The following SRBD1 variants were observed in gnomAD, a reference collection of about 807,000 sequenced individuals.
The protein encoded by SRBD1 is S1 RNA binding domain 1.
In SRBD1, 88 loss-of-function variants were observed where a neutral mutation model predicts 115.3. The observed-to-expected ratio is 0.76, with a 90% CI of 0.64 to 0.91. The LOEUF (loss-of-function observed/expected upper bound fraction) is 0.91, where lower values mean the gene tolerates loss of function less well. Ranked by LOEUF, SRBD1 falls within the 40% of genes least tolerant of loss-of-function variation. The pLI, the probability that SRBD1 is intolerant of heterozygous loss-of-function variation, is 0.00. For synonymous variants in SRBD1, 509 were observed against 407.7 expected (o/e 1.25, Z -2.99); for missense variants, 1,385 against 1,177.4 (o/e 1.18, Z -2.58).
At chr2:45,504,602 C>T (rs1427621014) in intron 14 of SRBD1, among the ~76,000 whole-genome samples, 2 of 152,150 alleles carry the variant, frequency 1.3e-5, no homozygotes, top group African/African-American at 4.8e-5. Flanking sequence ...TTTTTTAAGC[C>T]TTCCTTTTTC....
chr2:45,458,012 T>C (rs945386330), intron 16 of SRBD1, among the ~76,000 whole-genome samples: 4 of 152,064 alleles, frequency 2.6e-5, no homozygotes, highest in Non-Finnish European at 4.4e-5. Context: ...ACTATTCACA[T>C]ATTCTCTTTT....
At chr2:45,453,760 A>G (rs1398786756) in intron 16 of SRBD1, among the ~76,000 whole-genome samples, 1 of 151,958 alleles carries the variant, frequency 6.6e-6, no homozygotes, top group Non-Finnish European at 1.5e-5. Flanking sequence ...AAACTCAGAA[A>G]TTACTCCTCT....
intron 4 of SRBD1, among the ~76,000 whole-genome samples, chr2:45,592,999 A>G (rs1425345595): frequency 6.6e-6 from 1 of 152,216 alleles, no homozygotes; most frequent in Non-Finnish European, 1.5e-5. Context: ...AGGGCAAAGA[A>G]CTACCATAGT....
At chr2:45,505,504 A>G (rs1670770650) in intron 14 of SRBD1, among the ~76,000 whole-genome samples, 1 of 152,202 alleles carries the variant, frequency 6.6e-6, no homozygotes, top group South Asian at 2.1e-4. Context: ...ACCTGTCCGT[A>G]TCCTGTGTGT....
chr2:45,520,020 C>T (rs534914485), intron 14 of SRBD1, among the ~76,000 whole-genome samples: 1 of 152,150 alleles, frequency 6.6e-6, no homozygotes, highest in Non-Finnish European at 1.5e-5. Flanking sequence ...CTGCCCTGTA[C>T]AAGTTCTTTA....
chr2:45,543,030 A>G (rs1247835143), intron 14 of SRBD1, among the ~76,000 whole-genome samples: 3 of 152,236 alleles, frequency 2.0e-5, no homozygotes, highest in African/African-American at 4.8e-5. Context: ...AGTGCCTACC[A>G]TATGTCAAAA....
intron 14 of SRBD1, among the ~76,000 whole-genome samples, chr2:45,532,464 A>G (rs1440722915): frequency 1.3e-5 from 2 of 152,004 alleles, no homozygotes; most frequent in South Asian, 4.2e-4. Flanking sequence ...CTGATGAAAT[A>G]GGGATTAATG....
intron 4 of SRBD1, among the ~76,000 whole-genome samples, chr2:45,592,547 T>G (rs1321838488): frequency 2.0e-5 from 3 of 152,192 alleles, no homozygotes; most frequent in Non-Finnish European, 4.4e-5. Flanking sequence ...CTTCCACTCC[T>G]ACTCTGAAGT....
At chr2:45,533,976 C>G (rs1671688681) in intron 14 of SRBD1, among the ~76,000 whole-genome samples, 1 of 151,906 alleles carries the variant, frequency 6.6e-6, no homozygotes. Flanking sequence ...TAGGCCATTT[C>G]TAATCTAAGT....
Position 45,551,398 on chromosome 2 carries a change from T to C in SRBD1, c.1518-116A>G, listed in dbSNP as rs902686053. On this transcript the variant is annotated intron_variant, in intron 11 of 20. Transcript: ENST00000263736. Reference sequence around the variant, plus strand: ...CAAAGGATAATTTATTATAACAATATAACTTAAGAGAAAAATATACAAAAA... The same window carrying C: ...CAAAGGATAATTTATTATAACAATACAACTTAAGAGAAAAATATACAAAAA... The C allele has an allele frequency of 3.8e-6, 4 of 1,065,240 alleles. No individual in the cohort carries two copies. In the African/African-American group the frequency reaches 4.9e-5, roughly 13 times the overall value. The allele number at this position is 1,065,240 out of a possible 1,614,324, so 66.0% of individuals were successfully genotyped here.
chr2:45,509,373 G>T (rs1037376595), intron 14 of SRBD1, among the ~76,000 whole-genome samples: 2 of 152,076 alleles, frequency 1.3e-5, no homozygotes, highest in African/African-American at 4.8e-5. Flanking sequence ...GAGGCGGGCG[G>T]ATCATGAGGT....
intron 14 of SRBD1, among the ~76,000 whole-genome samples, chr2:45,491,159 T>C (rs1338864636): frequency 6.6e-6 from 1 of 151,712 alleles, no homozygotes; most frequent in Admixed American, 6.6e-5. Context: ...AGTTCAAGAA[T>C]AGACACTTGC....
In SRBD1 at chr2:45,599,716, A is replaced by G; in HGVS notation, c.381T>C (p.Val127=). 1 of 1,614,160 alleles carries G rather than the reference A, an allele frequency of 6.2e-7. No individual in the cohort carries two copies. Among genetic ancestry groups the G allele is most frequent in the Non-Finnish European group, 8.5e-7 (1 of 1,180,042 alleles). ...CAACTTTCAGCTTTTTAGTCCTTCG[A>G]ACTGTATGTGGCTGCGCTGCACATT... is the stretch of plus-strand genomic sequence containing the variant. The part of the protein sequence containing the change: ...KQKCAAQPHT[V]RRTKKLKVEE... The change falls in exon 4 of 21, where the codon GTT becomes GTC. Residue 127 remains valine (V), a synonymous_variant. Coordinates refer to ENST00000263736, the MANE Select transcript of SRBD1 (RefSeq NM_018079.5).
intron 16 of SRBD1, among the ~76,000 whole-genome samples, chr2:45,454,246 C>T (rs951947627): frequency 6.6e-6 from 1 of 151,774 alleles, no homozygotes; most frequent in Non-Finnish European, 1.5e-5. Flanking sequence ...TGTGTAAGAT[C>T]GTGGTACTGT....
chr2:45,523,015 T>TA (rs1012699723), intron 14 of SRBD1, among the ~76,000 whole-genome samples: 1 of 151,852 alleles, frequency 6.6e-6, no homozygotes, highest in African/African-American at 2.4e-5. Flanking sequence ...TCTGAAATCT[T>TA]AAAAAAACTT....
chr2:45,526,000 C>T (rs1671429343), intron 14 of SRBD1, among the ~76,000 whole-genome samples: 2 of 152,030 alleles, frequency 1.3e-5, no homozygotes, highest in African/African-American at 4.8e-5. Flanking sequence ...TCAGAACCCT[C>T]ATACACTGCT....
At chr2:45,547,739 T>G (rs564275274) in intron 12 of SRBD1, 127 bp from the exon 13 acceptor site, 2 of 656,438 alleles carry the variant, frequency 3.0e-6, no homozygotes, top group Admixed American at 3.1e-5. Flanking sequence ...GTCTGAACTA[T>G]TCATATTCAC....
intron 9 of SRBD1, among the ~76,000 whole-genome samples, chr2:45,571,542 A>AAAAAAAAAAAAAAAAAAAAAAAAAAT (rs1673017246): frequency 7.0e-6 from 1 of 143,156 alleles, no homozygotes; most frequent in Admixed American, 7.0e-5. Flanking sequence ...AAAAAAAAAA[A>AAAAAAAAAAAAAAAAAAAAAAAAAAT]CTGTCCATGA....
intron 14 of SRBD1, among the ~76,000 whole-genome samples, chr2:45,496,622 G>A (rs1384980770): frequency 1.3e-5 from 2 of 152,116 alleles, no homozygotes; most frequent in African/African-American, 2.4e-5. Flanking sequence ...CTTCTATACT[G>A]TACTGTTACA....
Sources: gnomAD v4.1 joint callset for allele counts (sites outside exome capture counted in the v4.1 genomes callset) on GRCh38, gnomAD v4.1.1 for gene constraint, MANE v1.5 for transcripts, NCBI Gene and HGNC (gene_info 2026-07-23, HGNC 2026-07-21) for gene names.